The following CYFIP2 variants were observed in gnomAD, a reference collection of about 807,000 sequenced individuals.
CYFIP2 encodes cytoplasmic FMR1-interacting protein 2.
Under a neutral mutation model 158.7 loss-of-function variants are expected in CYFIP2, and 29 were observed. That is an observed-to-expected ratio of 0.18 (90% CI 0.14 to 0.25). The LOEUF is 0.25. Ranked by LOEUF, CYFIP2 falls within the 10% of genes least tolerant of loss-of-function variation. CYFIP2 has a pLI of 1.00. For synonymous variants in CYFIP2, 585 were observed against 617.6 expected (o/e 0.95, Z 0.78); for missense variants, 852 against 1,639.5 (o/e 0.52, Z 8.29).
chr5:157,307,653 G>GTGTGTGTGTA lies in CYFIP2; in HGVS notation c.796-105_796-104insGTGTGTATGT, dbSNP rs1451376666. 3.2e-4 allele frequency: 196 copies of GTGTGTGTGTA among 618,858 alleles called. No homozygotes were observed. The African/African-American group carries it at 3.4e-3, about 11-fold the overall frequency. 38.3% of individuals were successfully genotyped at this position (618,858 alleles called of 1,614,324 possible). ...CTCTACAGGGTGTGTGTGTGTGTGT[G>GTGTGTGTGTA]TGTATGTGTGTGTGTGTGTGTGACA... On this transcript the variant is annotated intron_variant, in intron 8 of 30. Coordinates refer to ENST00000620254, the MANE Select transcript of CYFIP2 (RefSeq NM_001037333.3).
chr5:157,280,034 G>T (rs1240797742), intron 1 of CYFIP2, among the ~76,000 whole-genome samples: 2 of 152,204 alleles, frequency 1.3e-5, no homozygotes, highest in Non-Finnish European at 2.9e-5. Context: ...CACTACAGAA[G>T]TTGTATTTGC....
At chr5:157,330,995 C>T (rs1381336445) in intron 20 of CYFIP2, 145 bp downstream of exon 20, 1 of 634,402 alleles carries the variant, frequency 1.6e-6, no homozygotes, top group Non-Finnish European at 2.8e-6. Flanking sequence ...GTAGCACAGC[C>T]TCAGGATCTC....
At chr5:157,349,600 G>A (rs902729884) in intron 23 of CYFIP2, among the ~76,000 whole-genome samples, 16 of 152,050 alleles carry the variant, frequency 1.1e-4, no homozygotes, top group African/African-American at 2.9e-4. Flanking sequence ...TATCCTTTTC[G>A]AATGATTTCC....
At chr5:157,320,624 C>A (rs2863198) in intron 14 of CYFIP2, 31 bp from the exon 15 acceptor site, 5 of 1,612,730 alleles carry the variant, frequency 3.1e-6, no homozygotes, top group Admixed American at 1.7e-5. Context: ...ATGGTGAAAC[C>A]TGGTCTAAGT....
At chr5:157,367,205 A>G (rs1764459994) in intron 26 of CYFIP2, among the ~76,000 whole-genome samples, 1 of 152,184 alleles carries the variant, frequency 6.6e-6, no homozygotes, top group Non-Finnish European at 1.5e-5. Context: ...TGGTTTCTCA[A>G]CCTCAGCACC....
At chr5:157,354,331 A>G (rs964230094) in intron 23 of CYFIP2, among the ~76,000 whole-genome samples, 6 of 152,168 alleles carry the variant, frequency 3.9e-5, no homozygotes, top group African/African-American at 1.4e-4. Flanking sequence ...ATTGGAACCT[A>G]TCAGTTAGCA....
intron 6 of CYFIP2, among the ~76,000 whole-genome samples, 161 bp downstream of exon 6, chr5:157,301,057 G>A (rs959216885): frequency 6.6e-6 from 1 of 152,172 alleles, no homozygotes; most frequent in African/African-American, 2.4e-5. Context: ...TTTCAGTGTG[G>A]TTTGAGGAAC....
chr5:157,319,616 C>A, intron 13 of CYFIP2, 146 bp from the exon 14 acceptor site: 1 of 896,110 alleles, frequency 1.1e-6, no homozygotes, highest in Non-Finnish European at 1.7e-6. Flanking sequence ...CATCTCTTAC[C>A]TAGCCATGCG....
rs981288697 is a variant in CYFIP2 at position 157,301,021 on chromosome 5, C to T, written c.569+125C>T. 1.5e-5 allele frequency: 12 copies of T among 817,918 alleles called. No homozygotes were observed. In the South Asian group the frequency reaches 2.0e-4, roughly 13 times the overall value. 50.7% of individuals were successfully genotyped at this position (817,918 alleles called of 1,614,324 possible). On this transcript the variant is annotated intron_variant, in intron 6 of 30. Coordinates refer to ENST00000620254, the MANE Select transcript of CYFIP2 (RefSeq NM_001037333.3). ...TTTCTTTGATACCAAACTAGCCATC[C>T]CCCAAACATAGTGAGGCTTGGCCTG...
intron 26 of CYFIP2, chr5:157,364,795 C>A (rs560568991): frequency 6.6e-6 from 1 of 151,524 alleles, no homozygotes; most frequent in Non-Finnish European, 1.5e-5. Context: ...AAATGACATA[C>A]CAATTCTTCT....
In CYFIP2 at chr5:157,287,072, A is replaced by G. The variant is rs757670706; in HGVS notation, c.171A>G (p.Ala57=). 9.9e-6 allele frequency: 16 copies of G among 1,613,538 alleles called. No individual in the cohort carries two copies. Among genetic ancestry groups the G allele is most frequent in the Admixed American group, 5.0e-5 (3 of 60,016 alleles). ...EDRNAFVTGI[A]RYIEQATVHS... ...GGAATGCATTTGTCACGGGCATTGC[A>G]AGGTACATTGAGCAGGCTACAGTCC... Residue 57 remains alanine, a synonymous_variant, in exon 3 of 31, where the codon GCA becomes GCG. Transcript: ENST00000620254.
At chr5:157,304,477 C>A in intron 8 of CYFIP2, 111 bp downstream of exon 8, 2 of 1,270,828 alleles carry the variant, frequency 1.6e-6, no homozygotes, top group Non-Finnish European at 2.2e-6. Flanking sequence ...AACATTGATA[C>A]AGATCTTACG....
At chr5:157,336,301 G>A (rs1355974838) in intron 21 of CYFIP2, among the ~76,000 whole-genome samples, 3 of 152,192 alleles carry the variant, frequency 2.0e-5, no homozygotes, top group Non-Finnish European at 4.4e-5. Context: ...AGTTGAGAAC[G>A]GGCAGCCCGC....
rs1421214095 is a variant in CYFIP2, at chr5:157,383,313, C to T, written c.3161C>T (p.Ala1054Val). 1 of 1,613,832 alleles carries T rather than the reference C, an allele frequency of 6.2e-7. No individual in the cohort carries two copies. The highest frequency in any genetic ancestry group is 2.2e-5 in the East Asian group (1 of 44,874). The change falls in exon 28 of 31, where the codon GCC becomes GTC. Residue 1054 changes from alanine to valine, a missense_variant. This residue lies in a region of CYFIP2 where 223 missense variants were observed against 381.6 expected (regional missense o/e 0.58). Coordinates refer to ENST00000620254, the MANE Select transcript of CYFIP2 (RefSeq NM_001037333.3). ...VRMKRLEAKY[A>V]PLHLVPLIER... ...ATGAAACGTCTGGAAGCCAAGTATG[C>T]CCCGCTCCACCTGGTCCCTCTGATC...
At chr5:157,278,559 C>T (rs1475382667) in intron 1 of CYFIP2, among the ~76,000 whole-genome samples, 1 of 152,212 alleles carries the variant, frequency 6.6e-6, no homozygotes, top group African/African-American at 2.4e-5. Context: ...CTCCATAACA[C>T]AGTGTCCTCA....
chr5:157,380,310 T>TC (rs1046304098), intron 26 of CYFIP2, among the ~76,000 whole-genome samples: 1 of 152,204 alleles, frequency 6.6e-6, no homozygotes, highest in African/African-American at 2.4e-5. Context: ...GGCAGACTGG[T>TC]CCTCAGGCAA....
chr5:157,327,570 A>G (rs1359515495), intron 18 of CYFIP2, among the ~76,000 whole-genome samples: 7 of 148,774 alleles, frequency 4.7e-5, no homozygotes, highest in Admixed American at 4.6e-4. Context: ...GTCTCAAAAA[A>G]AAAAAAAATT....
rs1206078438 is a variant in CYFIP2, at chr5:157,394,692, T to G, written c.*1692T>G. The G allele has an allele frequency of 6.6e-6, 1 of 152,208 alleles. No homozygotes were observed. The allele number at this position is 152,208 out of a possible 1,614,324, so 9.4% of individuals were successfully genotyped here. On this transcript the variant is annotated 3_prime_UTR_variant, in exon 31 of 31. Coordinates refer to ENST00000620254, the MANE Select transcript of CYFIP2 (RefSeq NM_001037333.3). ...CACTGCTGTAAGGGAATCATTCTGGTCACCTTGAGCTTTGAGCTACCACTA... is the reference window on the plus strand; with the variant it reads ...CACTGCTGTAAGGGAATCATTCTGGGCACCTTGAGCTTTGAGCTACCACTA...
intron 26 of CYFIP2, among the ~76,000 whole-genome samples, chr5:157,368,011 G>A (rs1764589518): frequency 6.6e-6 from 1 of 152,024 alleles, no homozygotes; most frequent in Non-Finnish European, 1.5e-5. Context: ...GCCCACCTCG[G>A]CCTCCCGAAG....
Sources: gnomAD v4.1 joint callset for allele counts (sites outside exome capture counted in the v4.1 genomes callset) on GRCh38, gnomAD v4.1.1 for gene constraint, gnomAD v4.1.1 regional missense constraint, MANE v1.5 for transcripts, NCBI Gene and HGNC (gene_info 2026-07-23, HGNC 2026-07-21) for gene names.